The following RAB6B variants were observed in gnomAD, a reference collection of about 807,000 sequenced individuals.
RAB6B encodes ras-related protein Rab-6B.
RAB6B carries 7 observed loss-of-function variants against 31.2 expected under a neutral mutation model. That is an observed-to-expected ratio of 0.22 (90% confidence interval 0.13 to 0.42). The LOEUF (loss-of-function observed/expected upper bound fraction) is 0.42, where lower values mean the gene tolerates loss of function less well. Ranked by LOEUF, RAB6B falls within the 10% of genes least tolerant of loss-of-function variation. RAB6B has a pLI of 1.00. For synonymous variants in RAB6B, 105 were observed against 104.9 expected, an observed-to-expected ratio of 1.00 and a Z score of -0.01; for missense variants, 149 against 280.6, an observed-to-expected ratio of 0.53 and a Z score of 3.35.
chr3:133,838,161 C>T lies in RAB6B; in HGVS notation c.495+5G>A, dbSNP rs748558442. The T allele has an allele frequency of 6.2e-7, 1 of 1,613,252 alleles. No homozygotes were observed. Among genetic ancestry groups the T allele is most frequent in the Non-Finnish European group, 8.5e-7 (1 of 1,179,264 alleles). On this transcript the variant is annotated splice_donor_5th_base_variant and intron_variant, in intron 6 of 7. Coordinates refer to ENST00000285208, the MANE Select transcript of RAB6B (RefSeq NM_016577.4). ...TGCCGGGCCCCGTGCCAGGTGTGTC[C>T]TCACCTGCTTCACGTTGTAGCCAGT... is the stretch of plus-strand genomic sequence containing the variant.
chr3:133,856,298 T>C (rs193285871), intron 2 of RAB6B, among the ~76,000 whole-genome samples: 8 of 152,076 alleles, frequency 5.3e-5, no homozygotes, highest in Admixed American at 3.3e-4. Context: ...CTGGGCAGTG[T>C]GGTTGGCACA....
Position 133,848,492 on chromosome 3 carries a change from C to G in RAB6B, c.130-6829G>C, listed in dbSNP as rs150816877. Among the ~76,000 whole-genome samples the G allele has an allele frequency of 2.3e-3, 348 of 152,354 alleles. 2 individuals carry two copies. The highest frequency in any genetic ancestry group is 8.0e-3 in the African/African-American group (334 of 41,588). On this transcript the variant is annotated intron_variant, in intron 2 of 7. Coordinates refer to ENST00000285208, the MANE Select transcript of RAB6B (RefSeq NM_016577.4). ...CCATTTTCTGCTGCTGTAACAGAAT[C>G]ACAGACTGGATAATTTACTTTAAAA... is the stretch of plus-strand genomic sequence containing the variant.
chr3:133,889,379 G>A (rs543002596), intron 1 of RAB6B, among the ~76,000 whole-genome samples: 9 of 103,618 alleles, frequency 8.7e-5, no homozygotes, highest in African/African-American at 3.4e-4. Context: ...GGACAATAAG[G>A]TTATTTTGTT....
At chr3:133,860,048 G>A (rs1180446813) in intron 2 of RAB6B, among the ~76,000 whole-genome samples, 1 of 152,176 alleles carries the variant, frequency 6.6e-6, no homozygotes, top group Non-Finnish European at 1.5e-5. Context: ...GCCTGCAGGG[G>A]CTATGCTGGG....
intron 7 of RAB6B, 92 bp from the exon 8 acceptor site, chr3:133,828,944 T>TG (rs917835881): frequency 3.3e-6 from 4 of 1,220,458 alleles, no homozygotes; most frequent in Non-Finnish European, 4.5e-6. Context: ...TACTGCTCTG[T>TG]TTCTCTGCAA....
At chr3:133,830,964 A>G (rs1213090884) in intron 7 of RAB6B, among the ~76,000 whole-genome samples, 2 of 152,154 alleles carry the variant, frequency 1.3e-5, no homozygotes, top group African/African-American at 2.4e-5. Context: ...GACATTGCCA[A>G]ATGTCCCCTG....
At chr3:133,885,062 G>A (rs62269109) in intron 1 of RAB6B, among the ~76,000 whole-genome samples, 15,589 of 150,448 alleles carry the variant, frequency 0.1, 1,533 homozygotes, top group African/African-American at 0.28. Context: ...AGAGAATGGG[G>A]AACTCACACA....
intron 1 of RAB6B, among the ~76,000 whole-genome samples, chr3:133,865,919 G>A (rs1216930023): frequency 1.3e-5 from 2 of 152,220 alleles, no homozygotes; most frequent in Non-Finnish European, 2.9e-5. Context: ...GCATCTGACT[G>A]ACTGTGTTTG....
At chr3:133,831,360 A>G (rs886645045) in intron 7 of RAB6B, among the ~76,000 whole-genome samples, 3 of 152,206 alleles carry the variant, frequency 2.0e-5, no homozygotes, top group African/African-American at 4.8e-5. Flanking sequence ...GAAATATTCT[A>G]TATCTGCACT....
At chr3:133,893,677 AAGCAACC>A (rs1936667428) in intron 1 of RAB6B, among the ~76,000 whole-genome samples, 1 of 152,200 alleles carries the variant, frequency 6.6e-6, no homozygotes, top group South Asian at 2.1e-4. Context: ...AATTGTCTTC[AAGCAACC>A]ATTTTTCAGA....
At chr3:133,865,709 G>A (rs9838180) in intron 1 of RAB6B, among the ~76,000 whole-genome samples, 52,958 of 152,160 alleles carry the variant, frequency 0.35, 10,459 homozygotes, top group Non-Finnish European at 0.47. Flanking sequence ...CATTTCCCAG[G>A]CTGGCAGTAC....
At chr3:133,846,686 A>G (rs1935912641) in intron 2 of RAB6B, among the ~76,000 whole-genome samples, 1 of 152,266 alleles carries the variant, frequency 6.6e-6, no homozygotes, top group South Asian at 2.1e-4. Context: ...AATAGCAGCC[A>G]GAAAACAGAA....
At chr3:133,871,753 C>A (rs116453924) in intron 1 of RAB6B, among the ~76,000 whole-genome samples, 1 of 152,260 alleles carries the variant, frequency 6.6e-6, no homozygotes, top group African/African-American at 2.4e-5. Context: ...AGAGACTGCA[C>A]GGAGGGTTTG....
In RAB6B at chr3:133,825,260, TTATTG is replaced by T. The variant is rs1935540359; in HGVS notation, c.*3523_*3527del. The T allele has an allele frequency of 6.6e-6, 1 of 152,142 alleles. No individual in the cohort carries two copies. The highest frequency in any genetic ancestry group is 6.5e-5 in the Admixed American group (1 of 15,270). 9.4% of individuals were successfully genotyped at this position (152,142 alleles called of 1,614,324 possible). Reference sequence around the variant, plus strand: ...TGCTGAAGCCAGGAGGGCCATCCCTTTATTGTCACAACTGGTATCCCAGGGCAGGG... The same window carrying T: ...TGCTGAAGCCAGGAGGGCCATCCCTTTCACAACTGGTATCCCAGGGCAGGG... On this transcript the variant is annotated 3_prime_UTR_variant, in exon 8 of 8. Transcript: ENST00000285208.
At chr3:133,880,628 G>A (rs916375750) in intron 1 of RAB6B, among the ~76,000 whole-genome samples, 5 of 152,246 alleles carry the variant, frequency 3.3e-5, no homozygotes, top group African/African-American at 1.2e-4. Context: ...AACACAGGAA[G>A]CTGTCCCTGC....
At position 133,825,526 on chromosome 3, in the gene RAB6B, C is replaced by T. The variant is rs1371418211; in HGVS notation, c.*3262G>A. 6.6e-6 allele frequency: 1 copy of T among 152,218 alleles called. No individual in the cohort carries two copies. The highest frequency in any genetic ancestry group is 2.4e-5 in the African/African-American group (1 of 41,438). 9.4% of individuals were successfully genotyped at this position (152,218 alleles called of 1,614,324 possible). On this transcript the variant is annotated 3_prime_UTR_variant, in exon 8 of 8. Transcript: ENST00000285208. ...AAGGGAAACTGCTGCCAACAGCTACCAAGCCAACTAGCCTTGGATCACACA... is the reference window on the plus strand; with the variant it reads ...AAGGGAAACTGCTGCCAACAGCTACTAAGCCAACTAGCCTTGGATCACACA...
Position 133,841,307 on chromosome 3 carries a change from A to G in RAB6B, c.267T>C (p.Ala89=), listed in dbSNP as rs1316331193. The part of the protein sequence containing the change: ...IPSYIRDSTV[A]VVVYDITNLN... Reference sequence around the variant, plus strand: ...CACTTGTGATGTCGTACACCACCACAGCCACCGTGGAGTCCCGGATGTAGC... The same window carrying G: ...CACTTGTGATGTCGTACACCACCACGGCCACCGTGGAGTCCCGGATGTAGC... The change falls in exon 4 of 8, where the codon GCT becomes GCC. Residue 89 remains alanine (A), a synonymous_variant. Coordinates refer to ENST00000285208, the MANE Select transcript of RAB6B (RefSeq NM_016577.4). The G allele has an allele frequency of 1.2e-6, 2 of 1,614,004 alleles. No homozygotes were observed. The highest frequency in any genetic ancestry group is 2.2e-5 in the East Asian group (1 of 44,890).
rs1306158127 is a variant in RAB6B, at chr3:133,827,996, T to C, written c.*792A>G. On this transcript the variant is annotated 3_prime_UTR_variant, in exon 8 of 8. Transcript: ENST00000285208. ...AATTGCCAACAGCACCTCGTCCTTCTGATGGCCTCTTGCTCTGCCAGTCCC... is the reference window on the plus strand; with the variant it reads ...AATTGCCAACAGCACCTCGTCCTTCCGATGGCCTCTTGCTCTGCCAGTCCC... 3 of 702,758 alleles carry C rather than the reference T, an allele frequency of 4.3e-6. No individual in the cohort carries two copies. In the South Asian group the frequency reaches 4.4e-5, roughly 10 times the overall value. The allele number at this position is 702,758 out of a possible 1,614,324, so 43.5% of individuals were successfully genotyped here.
intron 2 of RAB6B, among the ~76,000 whole-genome samples, chr3:133,859,857 C>A (rs1049009639): frequency 6.6e-6 from 1 of 152,114 alleles, no homozygotes; most frequent in South Asian, 2.1e-4. Context: ...AATGGCCAGG[C>A]CCCAGGAAAC....
Sources: allele counts gnomAD v4.1 joint callset (sites outside exome capture counted in the v4.1 genomes callset), GRCh38; gene constraint gnomAD v4.1.1; transcripts MANE v1.5; gene names NCBI Gene and HGNC (gene_info 2026-07-23, HGNC 2026-07-21).